GPA33: variants seen among roughly 807,000 people sequenced by gnomAD.
The protein encoded by GPA33 is glycoprotein A33.
GPA33 carries 27 observed loss-of-function variants against 35.6 expected under a neutral mutation model. The ratio of observed to expected loss-of-function variants is 0.76; its 90% CI spans 0.56 to 1.04. The LOEUF (loss-of-function observed/expected upper bound fraction) is 1.04, where lower values mean the gene tolerates loss of function less well. Among genes scored for constraint, GPA33 ranks in the 50% least tolerant of loss-of-function variants. The pLI, the probability that GPA33 is intolerant of heterozygous loss-of-function variation, is 0.00. For missense variants in GPA33, 428 were observed against 411.9 expected (o/e 1.04, Z -0.34); for synonymous variants, 176 against 164.0 (o/e 1.07, Z -0.56).
chr1:167,056,255 T>G (rs544220417), intron 4 of GPA33, among the ~76,000 whole-genome samples: 3 of 152,208 alleles, frequency 2.0e-5, no homozygotes, highest in Admixed American at 1.3e-4. Context: ...TCAGGAAACA[T>G]AATGCACATT....
intron 1 of GPA33, among the ~76,000 whole-genome samples, chr1:167,084,929 T>C (rs1667020242): frequency 6.6e-6 from 1 of 152,244 alleles, no homozygotes; most frequent in African/African-American, 2.4e-5. Flanking sequence ...CATTCCTGAA[T>C]GGACAGTTTG....
intron 1 of GPA33, among the ~76,000 whole-genome samples, chr1:167,083,780 G>A (rs938723449): frequency 6.6e-6 from 1 of 152,080 alleles, no homozygotes; most frequent in Non-Finnish European, 1.5e-5. Context: ...TCAGGGGGTG[G>A]CAGAAGGCGA....
At chr1:167,062,022 C>A (rs1434830602) in intron 4 of GPA33, among the ~76,000 whole-genome samples, 1 of 152,078 alleles carries the variant, frequency 6.6e-6, no homozygotes. Flanking sequence ...CCCCGGGGCA[C>A]CTCATCTTCT....
intron 1 of GPA33, among the ~76,000 whole-genome samples, chr1:167,077,226 A>G (rs191490275): frequency 8.8e-4 from 134 of 152,062 alleles, no homozygotes; most frequent in African/African-American, 3.2e-3. Flanking sequence ...AAAAGAGAAG[A>G]AAACACATTA....
In GPA33 at chr1:167,054,989, CCTT is replaced by C; in HGVS notation, c.811_813del (p.Lys271del). Reference sequence around the variant, plus strand: ...CCAGACACTCACGGCCTTGCATCCTCCTTGTCTTCAGTGTTGTCGTCCTTCCCT... The same window carrying C: ...CCAGACACTCACGGCCTTGCATCCTCGTCTTCAGTGTTGTCGTCCTTCCCT... On this transcript the variant is annotated inframe_deletion, in exon 6 of 7. Coordinates refer to ENST00000367868, the MANE Select transcript of GPA33 (RefSeq NM_005814.3). The C allele has an allele frequency of 6.2e-7, 1 of 1,614,114 alleles. No homozygotes were observed. The highest frequency in any genetic ancestry group is 8.5e-7 in the Non-Finnish European group (1 of 1,180,022).
At chr1:167,062,749 G>A (rs978435448) in intron 4 of GPA33, among the ~76,000 whole-genome samples, 9 of 131,774 alleles carry the variant, frequency 6.8e-5, no homozygotes, top group African/African-American at 1.4e-4. Flanking sequence ...ATCCACCATC[G>A]CCTCCCCTAA....
At chr1:167,066,220 A>G in intron 3 of GPA33, among the ~76,000 whole-genome samples, 1 of 152,210 alleles carries the variant, frequency 6.6e-6, no homozygotes, top group East Asian at 1.9e-4. Context: ...GAGCCTTTCT[A>G]CAACCAGGTT....
At chr1:167,075,501 C>T (rs1013755983) in intron 1 of GPA33, among the ~76,000 whole-genome samples, 2 of 152,080 alleles carry the variant, frequency 1.3e-5, no homozygotes, top group Admixed American at 6.6e-5. Flanking sequence ...ATGGAGTTGT[C>T]GTTTACTGAA....
intron 4 of GPA33, among the ~76,000 whole-genome samples, chr1:167,056,728 A>C (rs147941056): frequency 2.0e-4 from 1 of 4,890 alleles, no homozygotes; most frequent in Non-Finnish European, 4.4e-4. Context: ...GTAGTGTGTG[A>C]TGTATGTGGT....
At chr1:167,079,729 C>T (rs889055686) in intron 1 of GPA33, among the ~76,000 whole-genome samples, 3 of 152,182 alleles carry the variant, frequency 2.0e-5, no homozygotes, top group African/African-American at 7.2e-5. Context: ...CAGTCAATAT[C>T]CTCTTGTTCT....
Position 167,063,733 on chromosome 1 carries a change from T to C in GPA33, c.420A>G (p.Pro140=), listed in dbSNP as rs763245601. The change falls in exon 4 of 7, where the codon CCA becomes CCG. Residue 140 remains proline, a synonymous_variant. Coordinates refer to ENST00000367868, the MANE Select transcript of GPA33 (RefSeq NM_005814.3). ...CGATGCCGCATTCTGGTTTGGAGGGTGGCACTATATAGAGGAGAGACCAAA... is the reference window on the plus strand; with the variant it reads ...CGATGCCGCATTCTGGTTTGGAGGGCGGCACTATATAGAGGAGAGACCAAA... The part of the protein sequence containing the change: ...KSRVRLLVLV[P]PSKPECGIEG... 3 of 1,612,388 alleles carry C rather than the reference T, an allele frequency of 1.9e-6. No homozygotes were observed. The Admixed American group carries it at 5.0e-5, about 27-fold the overall frequency.
At chr1:167,061,190 T>C (rs1666431077) in intron 4 of GPA33, among the ~76,000 whole-genome samples, 1 of 152,220 alleles carries the variant, frequency 6.6e-6, no homozygotes, top group South Asian at 2.1e-4. Context: ...TTAACCACTG[T>C]CGACTCCAAT....
chr1:167,076,640 G>A (rs1361578219), intron 1 of GPA33, among the ~76,000 whole-genome samples: 1 of 152,184 alleles, frequency 6.6e-6, no homozygotes, highest in East Asian at 1.9e-4. Context: ...TACAGTGAGG[G>A]CCATGTGAGC....
intron 1 of GPA33, among the ~76,000 whole-genome samples, chr1:167,081,328 A>G (rs12131781): frequency 0.29 from 43,691 of 152,094 alleles, 6,714 homozygotes; most frequent in African/African-American, 0.34. Flanking sequence ...GAGGCCAGAA[A>G]GGACCCAGCC....
intron 4 of GPA33, among the ~76,000 whole-genome samples, chr1:167,057,474 G>A (rs1398037386): frequency 1.3e-5 from 2 of 152,134 alleles, no homozygotes; most frequent in Admixed American, 6.5e-5. Context: ...TTGTAAATAC[G>A]ATCCTGTCAC....
rs548323978 is a variant in GPA33, at chr1:167,077,933, C to A, written c.44-4394G>T. 3.3e-5 allele frequency among the ~76,000 whole-genome samples: 5 copies of A among 152,240 alleles called. No individual in the cohort carries two copies. The South Asian group carries it at 1.0e-3, about 32-fold the overall frequency. On this transcript the variant is annotated intron_variant, in intron 1 of 6. Coordinates refer to ENST00000367868, the MANE Select transcript of GPA33 (RefSeq NM_005814.3). ...TAATTGAGGTTCCAAAAGGTTAAACCCTTTGCTCTATCTAGATATGACAGC... is the reference window on the plus strand; with the variant it reads ...TAATTGAGGTTCCAAAAGGTTAAACACTTTGCTCTATCTAGATATGACAGC...
chr1:167,089,184 C>T (rs1667110344), intron 1 of GPA33, among the ~76,000 whole-genome samples: 1 of 152,150 alleles, frequency 6.6e-6, no homozygotes, highest in Non-Finnish European at 1.5e-5. Context: ...CCTCGAGAGC[C>T]CCAAGGCCAG....
chr1:167,067,561 C>T lies in GPA33; in HGVS notation c.415+1361G>A, dbSNP rs369238869. On this transcript the variant is annotated intron_variant, in intron 3 of 6. Transcript: ENST00000367868. ...TCGGGGGAGTGTGCATTAATACTTC[C>T]ATTGCCCAAAGGAAATGAGACCTAT... 6.6e-5 allele frequency among the ~76,000 whole-genome samples: 10 copies of T among 152,168 alleles called. 1 individual carries two copies. In the East Asian group the frequency reaches 1.2e-3, roughly 18 times the overall value.
At chr1:167,079,896 C>G (rs1031927372) in intron 1 of GPA33, among the ~76,000 whole-genome samples, 3 of 152,192 alleles carry the variant, frequency 2.0e-5, no homozygotes, top group Non-Finnish European at 1.5e-5. Flanking sequence ...TCCTTATTAG[C>G]ACTGCATCCC....
Sources: allele counts gnomAD v4.1 joint callset (sites outside exome capture counted in the v4.1 genomes callset), GRCh38; gene constraint gnomAD v4.1.1; transcripts MANE v1.5; gene names NCBI Gene and HGNC (gene_info 2026-07-23, HGNC 2026-07-21).